KREMEN1: variants seen among roughly 807,000 people sequenced by gnomAD.
KREMEN1 encodes kremen protein 1.
KREMEN1 carries 30 observed loss-of-function variants against 46.5 expected under a neutral mutation model. The ratio of observed to expected loss-of-function variants is 0.65; its 90% CI spans 0.48 to 0.88. KREMEN1 has a LOEUF of 0.88. Ranked by LOEUF, KREMEN1 falls within the 40% of genes least tolerant of loss-of-function variation. The pLI is 0.00. For missense variants in KREMEN1, 533 were observed against 596.9 expected (o/e 0.89, Z 1.11); for synonymous variants, 214 against 230.6 (o/e 0.93, Z 0.65).
chr22:29,158,609 C>T (rs1397490488), intron 9 of KREMEN1, among the ~76,000 whole-genome samples: 1 of 152,154 alleles, frequency 6.6e-6, no homozygotes, highest in Non-Finnish European at 1.5e-5. Flanking sequence ...TAATCATTTT[C>T]CAAGAAGGGG....
At chr22:29,110,937 A>G (rs2038136971) in intron 3 of KREMEN1, among the ~76,000 whole-genome samples, 1 of 152,114 alleles carries the variant, frequency 6.6e-6, no homozygotes, top group Non-Finnish European at 1.5e-5. Context: ...AGCGTCTCAG[A>G]TGTACATAGT....
At chr22:29,167,197 TGGTGGGCTCTCTC>T in exon 10 of KREMEN1, 1 of 1,072,036 alleles carries the variant, frequency 9.3e-7, no homozygotes. Flanking sequence ...CGCACAGAAA[TGGTGGGCTCTCTC>T]TGGCCCAGCG....
In KREMEN1 at chr22:29,166,991, G is replaced by A. The variant is rs16987201; in HGVS notation, c.1417-53G>A. The A allele has an allele frequency of 5.4e-3, 7,399 of 1,370,500 alleles. 353 individuals carry two copies. The African/African-American group carries it at 0.097, about 18-fold the overall frequency. The allele number at this position is 1,370,500 out of a possible 1,614,324, so 84.9% of individuals were successfully genotyped here. On this transcript the variant is annotated intron_variant, in intron 9 of 9. Transcript: ENST00000327813. Reference sequence around the variant, plus strand: ...ATGCTTCTAACTGTTCTCTCCCTCCGTGCCTAGGGCTGTACTTTCAGACAC... The same window carrying A: ...ATGCTTCTAACTGTTCTCTCCCTCCATGCCTAGGGCTGTACTTTCAGACAC...
chr22:29,124,127 G>T (rs1357143446), intron 4 of KREMEN1, among the ~76,000 whole-genome samples: 1 of 152,144 alleles, frequency 6.6e-6, no homozygotes, highest in African/African-American at 2.4e-5. Flanking sequence ...GTACACAAAT[G>T]CTTATAGCAG....
chr22:29,118,245 A>G (rs2038275173), intron 3 of KREMEN1, among the ~76,000 whole-genome samples: 1 of 152,258 alleles, frequency 6.6e-6, no homozygotes, highest in Admixed American at 6.5e-5. Flanking sequence ...CGAGAAAACA[A>G]TAGAGAGTCT....
intron 3 of KREMEN1, among the ~76,000 whole-genome samples, chr22:29,106,708 T>G (rs1372113129): frequency 6.6e-6 from 1 of 152,172 alleles, no homozygotes; most frequent in Non-Finnish European, 1.5e-5. Flanking sequence ...TTCCTTTATT[T>G]CCTTGAAAAC....
At chr22:29,167,022 A>G (rs1351606571) in intron 9 of KREMEN1, 2 of 1,543,310 alleles carry the variant, frequency 1.3e-6, no homozygotes, top group Non-Finnish European at 1.8e-6. Context: ...GACACCACTC[A>G]TTGTCCTTCC....
At chr22:29,096,244 A>G (rs2037880932) in intron 2 of KREMEN1, among the ~76,000 whole-genome samples, 1 of 152,120 alleles carries the variant, frequency 6.6e-6, no homozygotes, top group Non-Finnish European at 1.5e-5. Context: ...TTGTTTTTCC[A>G]TAGTTGCTTA....
In KREMEN1 at chr22:29,131,544, A is replaced by C. The variant is rs1338159132; in HGVS notation, c.632-5798A>C. On this transcript the variant is annotated intron_variant, in intron 5 of 8. Coordinates refer to ENST00000400335, the MANE Select transcript of KREMEN1 (RefSeq NM_001039570.3). ...TGTTCATATATATATATATATATATATATATATATATATATATGTGTGTGT... is the reference window on the plus strand; with the variant it reads ...TGTTCATATATATATATATATATATCTATATATATATATATATGTGTGTGT... 4.9e-3 allele frequency among the ~76,000 whole-genome samples: 184 copies of C among 37,450 alleles called. 6 individuals carry two copies. Among genetic ancestry groups the C allele is most frequent in the African/African-American group, 0.012 (126 of 10,306 alleles). The allele number at this position is 37,450 out of a possible 152,430, so 24.6% of individuals were successfully genotyped here. A position where few individuals can be genotyped will look rare whatever the true frequency, so the allele number is the denominator to read the frequency against.
Position 29,125,423 on chromosome 22 carries a change from A to T in KREMEN1, c.631+7A>T, listed in dbSNP as rs752497936. 44 of 1,613,922 alleles carry T rather than the reference A, an allele frequency of 2.7e-5. No homozygotes were observed. Among genetic ancestry groups the T allele is most frequent in the Non-Finnish European group, 3.5e-5 (41 of 1,179,986 alleles). On this transcript the variant is annotated splice_region_variant and intron_variant, in intron 5 of 8. Coordinates refer to ENST00000400335, the MANE Select transcript of KREMEN1 (RefSeq NM_001039570.3). ...AGGATCATCCTCTTTGATAGTGAGTATGCCCTGTGCCCATCACTGCCCAAG... is the reference window on the plus strand; with the variant it reads ...AGGATCATCCTCTTTGATAGTGAGTTTGCCCTGTGCCCATCACTGCCCAAG...
chr22:29,123,712 C>A (rs572725094), intron 4 of KREMEN1, among the ~76,000 whole-genome samples: 1 of 152,192 alleles, frequency 6.6e-6, no homozygotes, highest in Non-Finnish European at 1.5e-5. Flanking sequence ...ATTGCTTGCA[C>A]CTGGGAGGTG....
intron 5 of KREMEN1, among the ~76,000 whole-genome samples, chr22:29,131,560 ATGTGTGTG>A (rs1176208187): frequency 7.9e-4 from 55 of 69,902 alleles, no homozygotes; most frequent in African/African-American, 1.8e-3. Context: ...ATATATATAT[ATGTGTGTG>A]TGTGTGTGTG....
At chr22:29,157,577 A>T (rs2038974170) in intron 9 of KREMEN1, among the ~76,000 whole-genome samples, 1 of 152,108 alleles carries the variant, frequency 6.6e-6, no homozygotes, top group Non-Finnish European at 1.5e-5. Context: ...GCCTCAAGTG[A>T]TCCACCTGCC....
chr22:29,134,035 A>G (rs555027821), intron 5 of KREMEN1: 1 of 152,162 alleles, frequency 6.6e-6, no homozygotes, highest in Admixed American at 6.5e-5. Context: ...AGCAGCACAT[A>G]TACTAAAATT....
At chr22:29,131,642 G>GTGTATATATATGTATATATATACA (rs1211484789) in intron 5 of KREMEN1, among the ~76,000 whole-genome samples, 17 of 118,958 alleles carry the variant, frequency 1.4e-4, no homozygotes, top group East Asian at 5.1e-4. Context: ...ATATATATGT[G>GTGTATATATATGTATATATATACA]TGTATATATA....
chr22:29,149,661 CA>C (rs1343562392), downstream of KREMEN1, among the ~76,000 whole-genome samples: 4 of 152,192 alleles, frequency 2.6e-5, no homozygotes, highest in African/African-American at 9.6e-5. Context: ...AAAATAAATG[CA>C]GCCAGAATGT....
At chr22:29,163,694 A>G (rs1393688393) in intron 9 of KREMEN1, among the ~76,000 whole-genome samples, 1 of 151,908 alleles carries the variant, frequency 6.6e-6, no homozygotes, top group Non-Finnish European at 1.5e-5. Flanking sequence ...TTTCTTTATA[A>G]CAGTGTGAGA....
Position 29,160,539 on chromosome 22 carries a change from C to CA in KREMEN1, c.1417-6481dup, listed in dbSNP as rs132303. On this transcript the variant is annotated intron_variant, in intron 9 of 9. Coordinates refer to the KREMEN1 transcript ENST00000327813. Reference sequence around the variant, plus strand: ...TGGGTGACAGACCGAGACTCCGTCTCAAAAAAAAAAAAAAAAAAAAAAAAT... The same window carrying CA: ...TGGGTGACAGACCGAGACTCCGTCTCAAAAAAAAAAAAAAAAAAAAAAAAAT... Among the ~76,000 whole-genome samples, 176 of 103,454 alleles carry CA rather than the reference C, an allele frequency of 1.7e-3. 1 individual carries two copies. Among genetic ancestry groups the CA allele is most frequent in the South Asian group, 2.5e-3 (8 of 3,224 alleles). 67.9% of individuals were successfully genotyped at this position (103,454 alleles called of 152,430 possible).
At chr22:29,134,861 C>G (rs865816497) in intron 5 of KREMEN1, among the ~76,000 whole-genome samples, 1 of 151,986 alleles carries the variant, frequency 6.6e-6, no homozygotes, top group Non-Finnish European at 1.5e-5. Context: ...TTGAGGAGTT[C>G]CCACATGCCT....
Sources: allele counts gnomAD v4.1 joint callset (sites outside exome capture counted in the v4.1 genomes callset), GRCh38; gene constraint gnomAD v4.1.1; transcripts MANE v1.5; gene names NCBI Gene and HGNC (gene_info 2026-07-23, HGNC 2026-07-21).